The following RAPH1 variants were observed in gnomAD, a reference collection of about 807,000 sequenced individuals.
RAPH1 encodes ras-associated and pleckstrin homology domains-containing protein 1.
RAPH1 carries 18 observed loss-of-function variants against 88.1 expected under a neutral mutation model. The observed-to-expected ratio is 0.20, with a 90% confidence interval of 0.14 to 0.30. The LOEUF is 0.30. Ranked by LOEUF, RAPH1 falls within the 10% of genes least tolerant of loss-of-function variation. The pLI is 1.00. For synonymous variants in RAPH1, 587 were observed against 559.0 expected (o/e 1.05, Z -0.71); for missense variants, 1,448 against 1,543.2 (o/e 0.94, Z 1.03).
chr2:203,529,005 A>ATATATATAT (rs1553633903), intron 1 of RAPH1, among the ~76,000 whole-genome samples: 1 of 41,150 alleles, frequency 2.4e-5, no homozygotes, highest in African/African-American at 1.2e-4. Context: ...ATATATATAT[A>ATATATATAT]TTTTTTTTTT....
Position 203,456,094 on chromosome 2 carries a change from G to A in RAPH1, c.1159-514C>T, listed in dbSNP as rs151275060. 7.2e-5 allele frequency among the ~76,000 whole-genome samples: 11 copies of A among 152,200 alleles called. No individual in the cohort carries two copies. The East Asian group carries it at 2.1e-3, about 29-fold the overall frequency. ...CACAATATGAATTTGGAACTACTATGGCAATCCTAAAATGTTTATTAAATA... is the reference window on the plus strand; with the variant it reads ...CACAATATGAATTTGGAACTACTATAGCAATCCTAAAATGTTTATTAAATA... On this transcript the variant is annotated intron_variant, in intron 8 of 13. Transcript: ENST00000319170.
intron 1 of RAPH1, among the ~76,000 whole-genome samples, chr2:203,513,423 C>T (rs1469803781): frequency 4.2e-5 from 5 of 119,100 alleles, no homozygotes; most frequent in African/African-American, 1.0e-4. Context: ...GGTGTGATCT[C>T]GGCAGACTGC....
chr2:203,475,251 C>A (rs1559471524), intron 4 of RAPH1, among the ~76,000 whole-genome samples: 1 of 151,880 alleles, frequency 6.6e-6, no homozygotes, highest in Non-Finnish European at 1.5e-5. Flanking sequence ...ATTAAAAATA[C>A]AAAAAATTAG....
Position 203,461,929 on chromosome 2 carries a change from T to C in RAPH1, c.733-4A>G. On this transcript the variant is annotated splice_region_variant and splice_polypyrimidine_tract_variant and intron_variant, in intron 4 of 13. Transcript: ENST00000319170. ...TCAATTTTGCTGCCTGTTCTTCCTG[T>C]GAACACAAAGCATTTCAGATAAACA... 6 of 1,605,154 alleles carry C rather than the reference T, an allele frequency of 3.7e-6. No homozygotes were observed. Among genetic ancestry groups the C allele is most frequent in the Non-Finnish European group, 5.1e-6 (6 of 1,175,466 alleles).
rs529693279 is a variant in RAPH1, at chr2:203,442,031, A to G, written c.1777-618T>C. The G allele has an allele frequency of 3.0e-5, 48 of 1,574,362 alleles. No homozygotes were observed. In the South Asian group the frequency reaches 4.2e-4, roughly 14 times the overall value. On this transcript the variant is annotated intron_variant, in intron 13 of 13. Transcript: ENST00000319170. ...TGAGACAATTGCATCCAACATGCACAGAAGTCCAGCAATGCAGGTAAAGGG... is the reference window on the plus strand; with the variant it reads ...TGAGACAATTGCATCCAACATGCACGGAAGTCCAGCAATGCAGGTAAAGGG...
Position 203,444,894 on chromosome 2 carries a change from C to G in RAPH1, c.1750G>C (p.Gly584Arg). ...SSVFSEAWKR[G>R]TQLEESSKAR... ...TTGCTGGACTCTTCCAACTGAGTGCCTCGTTTCCAGGCTTCAGAGAATACG... is the reference window on the plus strand; with the variant it reads ...TTGCTGGACTCTTCCAACTGAGTGCGTCGTTTCCAGGCTTCAGAGAATACG... Residue 584 changes from glycine (G) to arginine (R), a missense_variant, in exon 13 of 14, where the codon GGC (glycine) becomes CGC (arginine). Around this residue, in one of 2 missense-constraint regions of RAPH1, gnomAD observed 935 missense variants for 890.1 expected, o/e 1.05. Transcript: ENST00000319170. 5 of 1,614,048 alleles carry G rather than the reference C, an allele frequency of 3.1e-6. No homozygotes were observed. The highest frequency in any genetic ancestry group is 4.2e-6 in the Non-Finnish European group (5 of 1,179,962).
intron 13 of RAPH1, 51 bp from the exon 14 acceptor site, chr2:203,441,464 AAC>A (rs765429273): frequency 1.2e-5 from 18 of 1,486,646 alleles, no homozygotes; most frequent in Non-Finnish European, 1.6e-5. Flanking sequence ...CAACAAACAA[AAC>A]AGTTACAGAG....
chr2:203,467,960 G>A (rs1337223504), intron 4 of RAPH1, among the ~76,000 whole-genome samples: 1 of 151,840 alleles, frequency 6.6e-6, no homozygotes, highest in Non-Finnish European at 1.5e-5. Context: ...TGTAGAGATG[G>A]GGTTTCACTA....
chr2:203,484,690 G>A (rs965398048), intron 4 of RAPH1, among the ~76,000 whole-genome samples: 2 of 152,220 alleles, frequency 1.3e-5, no homozygotes, highest in Admixed American at 1.3e-4. Flanking sequence ...GTCCTCAGAA[G>A]CAAGAGTAGA....
At chr2:203,500,653 C>T (rs575710249) in intron 1 of RAPH1, among the ~76,000 whole-genome samples, 4 of 152,284 alleles carry the variant, frequency 2.6e-5, no homozygotes, top group African/African-American at 9.6e-5. Flanking sequence ...CTTATACTCA[C>T]TTAAGTTTAA....
At position 203,520,224 on chromosome 2, in the gene RAPH1, T is replaced by G. The variant is rs932768575; in HGVS notation, c.-1+14887A>C. ...GCAACCACCTGTGGTCTCAGCAACT[T>G]GGGAGGCTGAGGTGGGAGGATCACT... On this transcript the variant is annotated intron_variant, in intron 1 of 13. Transcript: ENST00000319170. Among the ~76,000 whole-genome samples the G allele has an allele frequency of 3.3e-5, 5 of 151,576 alleles. No individual in the cohort carries two copies. The South Asian group carries it at 1.0e-3, about 32-fold the overall frequency.
At chr2:203,460,103 T>A in intron 6 of RAPH1, 75 bp from the exon 7 acceptor site, 1 of 1,317,114 alleles carries the variant, frequency 7.6e-7, no homozygotes, top group Non-Finnish European at 1.1e-6. Flanking sequence ...CTTTGTGAAG[T>A]AGTTAACCTC....
chr2:203,510,659 T>C (rs935318284), intron 1 of RAPH1, among the ~76,000 whole-genome samples: 2 of 151,764 alleles, frequency 1.3e-5, no homozygotes, highest in Non-Finnish European at 2.9e-5. Context: ...TATAAACCAA[T>C]AGGGAGTGGT....
At chr2:203,526,307 G>C (rs1194945175) in intron 1 of RAPH1, among the ~76,000 whole-genome samples, 5 of 152,132 alleles carry the variant, frequency 3.3e-5, no homozygotes, top group Non-Finnish European at 7.3e-5. Context: ...TATGATTTCT[G>C]ATATAATGTG....
intron 1 of RAPH1, among the ~76,000 whole-genome samples, chr2:203,522,795 G>A (rs530277412): frequency 8.6e-5 from 13 of 151,366 alleles, no homozygotes; most frequent in African/African-American, 2.7e-4. Flanking sequence ...CCAGCTACTC[G>A]GGAGGCTGAG....
At chr2:203,492,486 T>C (rs942601340) in intron 2 of RAPH1, among the ~76,000 whole-genome samples, 1 of 152,320 alleles carries the variant, frequency 6.6e-6, no homozygotes, top group African/African-American at 2.4e-5. Flanking sequence ...GCAACCCAGC[T>C]ACACTGCCTG....
intron 1 of RAPH1, among the ~76,000 whole-genome samples, chr2:203,520,067 C>G (rs1021183543): frequency 6.6e-5 from 10 of 152,128 alleles, no homozygotes; most frequent in African/African-American, 2.4e-4. Flanking sequence ...GTGGCTCACA[C>G]CTGTAATCCT....
chr2:203,522,319 T>C (rs1689914251), intron 1 of RAPH1, among the ~76,000 whole-genome samples: 1 of 152,212 alleles, frequency 6.6e-6, no homozygotes, highest in South Asian at 2.1e-4. Flanking sequence ...TATGTGTAAA[T>C]AATGATGTAG....
In RAPH1 at chr2:203,439,242, CATATAT is replaced by C. The variant is rs1362861150; in HGVS notation, c.*189_*194del. ...CTCTCTCTATATACACATACACATACATATATGTATACATATATACACACACTGTAC... is the reference window on the plus strand; with the variant it reads ...CTCTCTCTATATACACATACACATACGTATACATATATACACACACTGTAC... On this transcript the variant is annotated 3_prime_UTR_variant, in exon 14 of 14. Transcript: ENST00000319170. 1.8e-6 allele frequency: 1 copy of C among 565,830 alleles called. No individual in the cohort carries two copies. Among genetic ancestry groups the C allele is most frequent in the Admixed American group, 3.0e-5 (1 of 33,154 alleles). 35.1% of individuals were successfully genotyped at this position (565,830 alleles called of 1,614,324 possible). A position where few individuals can be genotyped will look rare whatever the true frequency, so the allele number is the denominator to read the frequency against.
Sources: gnomAD v4.1 joint callset for allele counts (sites outside exome capture counted in the v4.1 genomes callset) on GRCh38, gnomAD v4.1.1 for gene constraint, gnomAD v4.1.1 regional missense constraint, MANE v1.5 for transcripts, NCBI Gene and HGNC (gene_info 2026-07-23, HGNC 2026-07-21) for gene names.